The following BAIAP3 variants were observed in gnomAD, a reference collection of about 807,000 sequenced individuals.
The protein encoded by BAIAP3 is BAI1 associated protein 3, also known as BAI1-associated protein 3.
BAIAP3 carries 180 observed loss-of-function variants against 149.7 expected under a neutral mutation model. That is an observed-to-expected ratio of 1.20 (90% CI 1.07 to 1.36). The LOEUF is 1.36. Ranked by LOEUF, BAIAP3 falls within the 40% of genes most tolerant of loss-of-function variation. The probability of loss-of-function intolerance (pLI) is 0.00; values close to 1 mark genes in which losing one functional copy is unlikely to be tolerated. For synonymous variants in BAIAP3, 845 were observed against 670.7 expected, an observed-to-expected ratio of 1.26 and a Z score of -4.02; for missense variants, 1,767 against 1,563.4, an observed-to-expected ratio of 1.13 and a Z score of -2.20.
At chr16:1,341,075 G>A in intron 6 of BAIAP3, 54 bp from the exon 7 acceptor site, 1 of 1,611,042 alleles carries the variant, frequency 6.2e-7, no homozygotes, top group Non-Finnish European at 8.5e-7. Context: ...GCTAAGTAGG[G>A]CATCTGGGGG....
chr16:1,348,555 C>T lies in BAIAP3; in HGVS notation c.*73C>T. 6.9e-7 allele frequency: 1 copy of T among 1,440,948 alleles called. No individual in the cohort carries two copies. The highest frequency in any genetic ancestry group is 1.2e-5 in the South Asian group (1 of 81,292). The allele number at this position is 1,440,948 out of a possible 1,614,324, so 89.3% of individuals were successfully genotyped here. ...GAAGCATCCTCCAGCTCACTGTGGCCAGCTTTGTGCAACCAGGGCCCACGG... is the reference window on the plus strand; with the variant it reads ...GAAGCATCCTCCAGCTCACTGTGGCTAGCTTTGTGCAACCAGGGCCCACGG... On this transcript the variant is annotated 3_prime_UTR_variant, in exon 34 of 34. Transcript: ENST00000426824.
chr16:1,347,030 T>A, intron 28 of BAIAP3, 75 bp downstream of exon 28: 1 of 1,351,306 alleles, frequency 7.4e-7, no homozygotes, highest in African/African-American at 1.4e-5. Context: ...TTGTCCCCAC[T>A]GGCCTGCCTG....
chr16:1,345,021 T>C lies in BAIAP3; in HGVS notation c.1862T>C (p.Leu621Pro). The change falls in exon 21 of 34, where the codon CTG (leucine) becomes CCG (proline). Residue 621 changes from leucine to proline, a missense_variant. Coordinates refer to ENST00000426824, the MANE Select transcript of BAIAP3 (RefSeq NM_001199097.2). Reference sequence around the variant, plus strand: ...GAGGAGCTGAGCCCCAAGATGACCCTGGAGGTGGCCTCGGGGCTCTTTGAG... The same window carrying C: ...GAGGAGCTGAGCCCCAAGATGACCCCGGAGGTGGCCTCGGGGCTCTTTGAG... ...LTEELSPKMTLEVASGLFELY... is the reference protein window; with the variant it reads ...LTEELSPKMTPEVASGLFELY... The C allele has an allele frequency of 6.2e-7, 1 of 1,612,592 alleles. No individual in the cohort carries two copies. The highest frequency in any genetic ancestry group is 8.5e-7 in the Non-Finnish European group (1 of 1,179,990).
chr16:1,341,154 C>T lies in BAIAP3; in HGVS notation c.494C>T (p.Ser165Phe). The T allele has an allele frequency of 4.3e-6, 7 of 1,612,734 alleles. No homozygotes were observed. Among genetic ancestry groups the T allele is most frequent in the Non-Finnish European group, 5.9e-6 (7 of 1,179,838 alleles). The change falls in exon 7 of 34, where the codon TCT becomes TTT. Residue 165 changes from serine (S) to phenylalanine (F), a missense_variant. Ser to Phe is a radical substitution (Grantham distance 155). Coordinates refer to ENST00000426824, the MANE Select transcript of BAIAP3 (RefSeq NM_001199097.2). ...GCCCCCACGTATGCCCTGAAAGTCT[C>T]TGTCATGCGTGCCAAGAACCTTCTG... ...AKAPTYALKVSVMRAKNLLAK... is the reference protein window; with the variant it reads ...AKAPTYALKVFVMRAKNLLAK...
In BAIAP3 at chr16:1,337,065, C is replaced by T. The variant is rs368896555; in HGVS notation, c.-10-1475C>T. Among the ~76,000 whole-genome samples, 529 of 152,242 alleles carry T rather than the reference C, an allele frequency of 3.5e-3. 4 individuals are homozygous for T. Among genetic ancestry groups the T allele is most frequent in the Non-Finnish European group, 3.2e-3 (215 of 68,000 alleles). ...TTTCCATGGAGCGGGGAGGAGACCT[C>T]CCTGGGGCTGCTGGGGGGCAGAGGC... On this transcript the variant is annotated intron_variant, in intron 1 of 33. Transcript: ENST00000426824.
At chr16:1,335,169 G>A (rs895780841) in intron 1 of BAIAP3, among the ~76,000 whole-genome samples, 5 of 152,220 alleles carry the variant, frequency 3.3e-5, no homozygotes, top group African/African-American at 1.2e-4. Flanking sequence ...CCCCCACCCT[G>A]GGCTGTGAAA....
rs775224254 is a variant in BAIAP3 at position 1,346,108 on chromosome 16, C to A, written c.2301+30C>A. Reference sequence around the variant, plus strand: ...GTGACCAGCTGGGGAGGGGAGCCGGCAGGAGGTGGGGGGCCATCACCAGGC... The same window carrying A: ...GTGACCAGCTGGGGAGGGGAGCCGGAAGGAGGTGGGGGGCCATCACCAGGC... On this transcript the variant is annotated intron_variant, in intron 24 of 33. Coordinates refer to ENST00000426824, the MANE Select transcript of BAIAP3 (RefSeq NM_001199097.2). 5.0e-6 allele frequency: 8 copies of A among 1,605,296 alleles called. No individual in the cohort carries two copies. In the Admixed American group the frequency reaches 1.3e-4, roughly 27 times the overall value.
Position 1,347,596 on chromosome 16 carries a change from G to T in BAIAP3, c.2875G>T (p.Glu959Ter). The T allele has an allele frequency of 6.2e-7, 1 of 1,612,966 alleles. No individual in the cohort carries two copies. Among genetic ancestry groups the T allele is most frequent in the South Asian group, 1.1e-5 (1 of 91,070 alleles). ...CAAATGTTCCACCCGCGAGTGCATC[G>T]AGCAGTTCTACCTGGACAAGCTCAA... ...LHKCSTRECI[E>*]QFYLDKLKQR... Residue 959 changes from glutamate to a stop codon, truncating the protein, a stop_gained, in exon 30 of 34, where the codon GAG (glutamate) becomes TAG (stop). Coordinates refer to ENST00000426824, the MANE Select transcript of BAIAP3 (RefSeq NM_001199097.2). LOFTEE classifies it high-confidence loss of function.
At position 1,338,667 on chromosome 16, in the gene BAIAP3, G is replaced by A; in HGVS notation, c.118G>A (p.Ala40Thr). The change falls in exon 2 of 34, where the codon GCC becomes ACC. Residue 40 changes from alanine (A) to threonine (T), a missense_variant. Transcript: ENST00000426824. ...TGCCAGCGCCGACCCGCAGGAGCCT[G>A]CCACGGGGGCCTGGTGGGTGCCGAG... ...GSASADPQEP[A>T]TGAWKPGDGV... The A allele has an allele frequency of 6.3e-7, 1 of 1,583,426 alleles. No homozygotes were observed. The highest frequency in any genetic ancestry group is 8.6e-7 in the Non-Finnish European group (1 of 1,166,634).
At chr16:1,343,058 G>C (rs750089561) in intron 14 of BAIAP3, 42 bp downstream of exon 14, 1 of 1,569,632 alleles carries the variant, frequency 6.4e-7, no homozygotes, top group South Asian at 1.1e-5. Flanking sequence ...ATGTGGGCGG[G>C]CGTGAGCGAG....
In BAIAP3 at chr16:1,344,619, C is replaced by T; in HGVS notation, c.1678C>T (p.Pro560Ser). ...CTTGCAGCCAGGACCACAGCGCCTG[C>T]CTGGGCTGGTTGTGCTGGCTGACGC... The part of the protein sequence containing the change: ...PREQPGPQRL[P>S]GLVVLADAVY... The change falls in exon 19 of 34, where the codon CCT (proline) becomes TCT (serine). Residue 560 changes from proline (P) to serine (S), a missense_variant. Physicochemically the swap from Pro to Ser is moderately conservative, Grantham distance 74 (BLOSUM62 -1). Transcript: ENST00000426824. 6.2e-7 allele frequency: 1 copy of T among 1,613,246 alleles called. No homozygotes were observed. Among genetic ancestry groups the T allele is most frequent in the African/African-American group, 1.3e-5 (1 of 75,040 alleles).
At chr16:1,334,529 G>A (rs1404887934) in intron 1 of BAIAP3, 3 of 738,620 alleles carry the variant, frequency 4.1e-6, no homozygotes, top group East Asian at 2.7e-5. Context: ...GAGGAAGAAG[G>A]CGCCTCGGGC....
In BAIAP3 at chr16:1,341,179, G is replaced by A; in HGVS notation, c.519G>A (p.Leu173=). ...CTGTCATGCGTGCCAAGAACCTTCT[G>A]GCCAAGGACCCCAACGGTGAGTGGG... ...KVSVMRAKNL[L]AKDPNGFSDP... The change falls in exon 7 of 34, where the codon CTG becomes CTA. Residue 173 remains leucine (L), a synonymous_variant. Transcript: ENST00000426824. 6.2e-7 allele frequency: 1 copy of A among 1,612,714 alleles called. No homozygotes were observed. Among genetic ancestry groups the A allele is most frequent in the Non-Finnish European group, 8.5e-7 (1 of 1,179,834 alleles).
chr16:1,339,416 G>T lies in BAIAP3; in HGVS notation c.301-80G>T, dbSNP rs965792007. 4.0e-6 allele frequency: 6 copies of T among 1,503,960 alleles called. No homozygotes were observed. In the African/African-American group the frequency reaches 8.2e-5, roughly 21 times the overall value. The allele number at this position is 1,503,960 out of a possible 1,614,324, so 93.2% of individuals were successfully genotyped here. A position where few individuals can be genotyped will look rare whatever the true frequency, so the allele number is the denominator to read the frequency against. On this transcript the variant is annotated intron_variant, in intron 4 of 33. Coordinates refer to ENST00000426824, the MANE Select transcript of BAIAP3 (RefSeq NM_001199097.2). ...GTGCAAAGAGGCAGAGGTGGGGCCT[G>T]GGCTCAGGCAGACAGGAGGTGCTGC...
chr16:1,343,574 G>A (rs1005010983), intron 15 of BAIAP3, 61 bp downstream of exon 15: 11 of 1,581,994 alleles, frequency 7.0e-6, no homozygotes, highest in Non-Finnish European at 9.5e-6. Flanking sequence ...GACTGGGGTC[G>A]CTCAGTGCCG....
chr16:1,344,104 C>T lies in BAIAP3; in HGVS notation c.1469C>T (p.Ala490Val). Reference protein sequence around the residue: ...LLRQLRDYFPATNSTAVHRLE... With the variant: ...LLRQLRDYFPVTNSTAVHRLE... ...CGCCAGCTCCGAGACTACTTCCCTG[C>T]CACCAACAGCACCGCTGTCCACCGC... The change falls in exon 16 of 34, where the codon GCC becomes GTC. Residue 490 changes from alanine to valine, a missense_variant. Coordinates refer to ENST00000426824, the MANE Select transcript of BAIAP3 (RefSeq NM_001199097.2). 6.2e-7 allele frequency: 1 copy of T among 1,612,050 alleles called. No homozygotes were observed. The highest frequency in any genetic ancestry group is 8.5e-7 in the Non-Finnish European group (1 of 1,179,870).
chr16:1,346,121 G>T (rs1207641288), intron 24 of BAIAP3, 43 bp downstream of exon 24: 3 of 1,605,124 alleles, frequency 1.9e-6, no homozygotes, highest in Admixed American at 3.4e-5. Context: ...GAGGTGGGGG[G>T]CCATCACCAG....
At position 1,345,110 on chromosome 16, in the gene BAIAP3, C is replaced by T. The variant is rs372217867; in HGVS notation, c.1940+11C>T. ...TAGCATCCCTGGCCGGTGGGTGCCC[C>T]GTCCCTATCTCTTGCAGACAGACTT... On this transcript the variant is annotated intron_variant, in intron 21 of 33. Transcript: ENST00000426824. The T allele has an allele frequency of 3.4e-5, 55 of 1,612,296 alleles. No homozygotes were observed. Among genetic ancestry groups the T allele is most frequent in the Middle Eastern group, 1.7e-4 (1 of 5,826 alleles).
intron 28 of BAIAP3, 25 bp downstream of exon 28, chr16:1,346,980 C>T (rs761003304): frequency 6.5e-5 from 101 of 1,555,562 alleles, no homozygotes; most frequent in East Asian, 9.3e-5. Flanking sequence ...AGGAGTCCTC[C>T]CCGCCGGCCC....
Sources: allele counts gnomAD v4.1 joint callset (sites outside exome capture counted in the v4.1 genomes callset), GRCh38; gene constraint gnomAD v4.1.1; transcripts MANE v1.5; gene names NCBI Gene and HGNC (gene_info 2026-07-23, HGNC 2026-07-21).